MYRIP: variants seen among roughly 807,000 people sequenced by gnomAD.
The protein encoded by MYRIP is rab effector MyRIP.
Under a neutral mutation model 98.0 loss-of-function variants are expected in MYRIP, and 49 were observed. The ratio of observed to expected loss-of-function variants is 0.50; its 90% confidence interval spans 0.40 to 0.63. The LOEUF is 0.63. Among genes scored for constraint, MYRIP ranks in the 30% least tolerant of loss-of-function variants. The pLI is 0.00. For synonymous variants in MYRIP, 404 were observed against 409.5 expected (o/e 0.99, Z 0.16); for missense variants, 1,004 against 1,058.2 (o/e 0.95, Z 0.71).
At chr3:39,960,839 C>T (rs530436633) in intron 2 of MYRIP, among the ~76,000 whole-genome samples, 9 of 152,258 alleles carry the variant, frequency 5.9e-5, no homozygotes, top group African/African-American at 2.2e-4. Context: ...TAAACAATTG[C>T]ATTTCTTGGG....
intron 1 of MYRIP, among the ~76,000 whole-genome samples, chr3:39,868,443 G>C (rs1942686960): frequency 6.6e-6 from 1 of 152,092 alleles, no homozygotes; most frequent in African/African-American, 2.4e-5. Flanking sequence ...GGCTCTGTTG[G>C]ATAAGGGACT....
chr3:40,130,627 G>A (rs964313534), intron 3 of MYRIP, among the ~76,000 whole-genome samples: 24 of 151,840 alleles, frequency 1.6e-4, no homozygotes, highest in Middle Eastern at 3.4e-3. Context: ...TGATCCGCCC[G>A]CCTCGGCCTC....
At chr3:40,173,736 G>C (rs898769225) in intron 8 of MYRIP, 4 of 152,182 alleles carry the variant, frequency 2.6e-5, no homozygotes, top group Non-Finnish European at 5.9e-5. Context: ...TTTCACTGAG[G>C]AAGACATTTA....
intron 2 of MYRIP, among the ~76,000 whole-genome samples, chr3:39,975,761 T>G (rs1945733521): frequency 6.6e-6 from 1 of 152,230 alleles, no homozygotes; most frequent in Admixed American, 6.5e-5. Flanking sequence ...TACAACCATC[T>G]GATCTTTGAC....
chr3:39,972,816 A>G (rs563338382), intron 2 of MYRIP, among the ~76,000 whole-genome samples: 4 of 150,640 alleles, frequency 2.7e-5, no homozygotes, highest in African/African-American at 9.9e-5. Context: ...AGTGGCAGTG[A>G]AGCTAGGGTA....
At chr3:39,994,203 G>A (rs1394705592) in intron 2 of MYRIP, among the ~76,000 whole-genome samples, 3 of 152,224 alleles carry the variant, frequency 2.0e-5, no homozygotes, top group Non-Finnish European at 4.4e-5. Flanking sequence ...AGGACAGTGG[G>A]TGCAGCACAC....
chr3:40,118,528 G>C (rs1421613086), intron 3 of MYRIP, among the ~76,000 whole-genome samples: 1 of 151,588 alleles, frequency 6.6e-6, no homozygotes, highest in African/African-American at 2.4e-5. Context: ...AAACAGGAAT[G>C]AGGAAACTTT....
chr3:40,080,953 CT>C (rs889631767), intron 3 of MYRIP, among the ~76,000 whole-genome samples: 26 of 151,782 alleles, frequency 1.7e-4, no homozygotes, highest in African/African-American at 6.0e-4. Flanking sequence ...TAGATGTAGT[CT>C]TTTTATCATT....
chr3:40,212,203 T>TATACAC lies in MYRIP; in HGVS notation c.1905+2111_1905+2112insTACACA, dbSNP rs1559456705. 1.3e-3 allele frequency among the ~76,000 whole-genome samples: 72 copies of TATACAC among 56,728 alleles called. 19 individuals carry two copies. The highest frequency in any genetic ancestry group is 2.7e-3 in the Non-Finnish European group (60 of 22,622). 37.2% of individuals were successfully genotyped at this position (56,728 alleles called of 152,430 possible). ...ACGTGTATGTGTATATACATATATA[T>TATACAC]ACGTGTGTGTATATATATATATACA... is the stretch of plus-strand genomic sequence containing the variant. On this transcript the variant is annotated intron_variant, in intron 11 of 16. Transcript: ENST00000302541.
chr3:39,930,107 G>C (rs1187658732), intron 2 of MYRIP, among the ~76,000 whole-genome samples: 1 of 151,952 alleles, frequency 6.6e-6, no homozygotes, highest in African/African-American at 2.4e-5. Flanking sequence ...TGGTACTTCT[G>C]TTTAACCTTT....
At chr3:40,122,100 T>C (rs982189136) in intron 3 of MYRIP, among the ~76,000 whole-genome samples, 1 of 152,194 alleles carries the variant, frequency 6.6e-6, no homozygotes, top group Non-Finnish European at 1.5e-5. Context: ...AATAATATTT[T>C]CAAAATTTAC....
At chr3:40,171,219 G>A (rs1357226932) in intron 8 of MYRIP, among the ~76,000 whole-genome samples, 1 of 152,044 alleles carries the variant, frequency 6.6e-6, no homozygotes, top group South Asian at 2.1e-4. Flanking sequence ...AGCAAGGCAG[G>A]AGGGGACACG....
intron 2 of MYRIP, among the ~76,000 whole-genome samples, chr3:39,904,359 T>C (rs566071109): frequency 6.6e-6 from 1 of 152,102 alleles, no homozygotes; most frequent in African/African-American, 2.4e-5. Context: ...CCTCGACCTC[T>C]TGAGTAGCTG....
chr3:39,825,129 T>G (rs1013722920), intron 1 of MYRIP, among the ~76,000 whole-genome samples: 22 of 152,328 alleles, frequency 1.4e-4, no homozygotes, highest in Middle Eastern at 3.4e-3. Context: ...TATATAAGAT[T>G]ATGTCATCTG....
At chr3:40,196,647 A>G (rs1435254595) in intron 10 of MYRIP, among the ~76,000 whole-genome samples, 1 of 152,200 alleles carries the variant, frequency 6.6e-6, no homozygotes, top group Non-Finnish European at 1.5e-5. Context: ...TGAATGTTTT[A>G]TGTGTGTTTA....
At chr3:39,878,467 T>C (rs1943069997) in intron 1 of MYRIP, among the ~76,000 whole-genome samples, 1 of 152,186 alleles carries the variant, frequency 6.6e-6, no homozygotes, top group Non-Finnish European at 1.5e-5. Context: ...AGACCAGAGC[T>C]GTTCCTATTC....
Position 39,959,626 on chromosome 3 carries a change from A to G in MYRIP, c.110+58700A>G, listed in dbSNP as rs557309521. ...AGCATGGCACATGTATACATATGTAACAAACCTGTACATTGTGCACATGTA... is the reference window on the plus strand; with the variant it reads ...AGCATGGCACATGTATACATATGTAGCAAACCTGTACATTGTGCACATGTA... On this transcript the variant is annotated intron_variant, in intron 2 of 16. Coordinates refer to ENST00000302541, the MANE Select transcript of MYRIP (RefSeq NM_015460.4). Among the ~76,000 whole-genome samples, 132 of 152,136 alleles carry G rather than the reference A, an allele frequency of 8.7e-4. 1 individual carries two copies. The highest frequency in any genetic ancestry group is 2.1e-3 in the African/African-American group (89 of 41,486).
chr3:40,042,720 A>G (rs914916875), intron 2 of MYRIP, among the ~76,000 whole-genome samples: 2 of 152,238 alleles, frequency 1.3e-5, no homozygotes, highest in African/African-American at 2.4e-5. Context: ...AAGTATTATC[A>G]TAGTAGAATG....
At chr3:40,063,471 T>G (rs1478140288) in intron 3 of MYRIP, among the ~76,000 whole-genome samples, 1 of 152,252 alleles carries the variant, frequency 6.6e-6, no homozygotes, top group Non-Finnish European at 1.5e-5. Context: ...GAGTTTGACC[T>G]ATACAAAAGG....
Sources: allele counts gnomAD v4.1 joint callset (sites outside exome capture counted in the v4.1 genomes callset), GRCh38; gene constraint gnomAD v4.1.1; transcripts MANE v1.5; gene names NCBI Gene and HGNC (gene_info 2026-07-23, HGNC 2026-07-21).